ZBTB20: variants seen among roughly 807,000 people sequenced by gnomAD.
The protein encoded by ZBTB20 is zinc finger and BTB domain containing 20.
In ZBTB20, 9 loss-of-function variants were observed where a neutral mutation model predicts 56.9. That is an observed-to-expected ratio of 0.16 (90% CI 0.10 to 0.28). The LOEUF is 0.28. ZBTB20 is among the 10% of genes least tolerant of loss of function. ZBTB20 has a pLI of 1.00. For missense variants in ZBTB20, 655 were observed against 1,003.0 expected (o/e 0.65, Z 4.69); for synonymous variants, 417 against 420.7 (o/e 0.99, Z 0.11).
Position 114,513,944 on chromosome 3 carries a change from G to C in ZBTB20, c.-294-13553C>G, listed in dbSNP as rs1445849273. On this transcript the variant is annotated intron_variant, in intron 6 of 11. Coordinates refer to ENST00000675478, the MANE Select transcript of ZBTB20 (RefSeq NM_001348800.3). Reference sequence around the variant, plus strand: ...CAAAAAAAAAAAAGAATTTAGAGAAGACATAATAACATACTGCATAAATAT... The same window carrying C: ...CAAAAAAAAAAAAGAATTTAGAGAACACATAATAACATACTGCATAAATAT... Among the ~76,000 whole-genome samples, 3 of 151,508 alleles carry C rather than the reference G, an allele frequency of 2.0e-5. No homozygotes were observed. In the East Asian group the frequency reaches 5.8e-4, roughly 29 times the overall value.
chr3:115,003,662 T>C lies in ZBTB20; in HGVS notation c.-506-29246A>G, dbSNP rs182871422. On this transcript the variant is annotated intron_variant, in intron 2 of 11. Transcript: ENST00000675478. The stretch of plus-strand genomic sequence containing the variant: ...CTGGGAAACATAGTGAGCACGCCCC[T>C]ACTAAAAAACAAAACAAAACAAAAC... Among the ~76,000 whole-genome samples, 21 of 151,620 alleles carry C rather than the reference T, an allele frequency of 1.4e-4. No individual in the cohort carries two copies. In the Admixed American group the frequency reaches 1.4e-3, roughly 10 times the overall value.
intron 6 of ZBTB20, among the ~76,000 whole-genome samples, chr3:114,649,428 A>G (rs926402546): frequency 3.9e-5 from 6 of 152,034 alleles, no homozygotes; most frequent in Non-Finnish European, 7.4e-5. Context: ...GTAGAGTTCC[A>G]TGGGATTCTT....
chr3:114,641,507 T>C (rs1199860402), intron 6 of ZBTB20, among the ~76,000 whole-genome samples: 1 of 151,706 alleles, frequency 6.6e-6, no homozygotes, highest in Non-Finnish European at 1.5e-5. Flanking sequence ...GGGTTTCTTA[T>C]ATAGATAATT....
intron 5 of ZBTB20, among the ~76,000 whole-genome samples, chr3:114,741,160 T>C (rs1020779005): frequency 1.3e-5 from 2 of 152,176 alleles, no homozygotes; most frequent in Non-Finnish European, 2.9e-5. Context: ...AAAAGCTTAA[T>C]GGAAAAAAAT....
At chr3:114,604,936 A>G (rs2057030304) in intron 6 of ZBTB20, among the ~76,000 whole-genome samples, 1 of 152,156 alleles carries the variant, frequency 6.6e-6, no homozygotes, top group Non-Finnish European at 1.5e-5. Flanking sequence ...CTACGTAATA[A>G]GAACAAAACA....
chr3:115,024,314 G>A (rs779439631), intron 2 of ZBTB20, among the ~76,000 whole-genome samples: 9 of 150,850 alleles, frequency 6.0e-5, no homozygotes, highest in Non-Finnish European at 7.4e-5. Context: ...TCTTTGACAC[G>A]GAAGAGCTTA....
At chr3:114,712,578 G>A (rs541866279) in intron 5 of ZBTB20, among the ~76,000 whole-genome samples, 10 of 151,678 alleles carry the variant, frequency 6.6e-5, no homozygotes, top group East Asian at 5.8e-4. Flanking sequence ...CCTTGAACCC[G>A]GGAGGCGGAG....
At chr3:114,674,692 TA>T (rs1470050942) in intron 6 of ZBTB20, among the ~76,000 whole-genome samples, 3 of 152,130 alleles carry the variant, frequency 2.0e-5, no homozygotes, top group East Asian at 3.8e-4. Flanking sequence ...ATGAATGAAG[TA>T]AAAAATCAAA....
intron 2 of ZBTB20, among the ~76,000 whole-genome samples, chr3:114,980,492 T>TA (rs1477876577): frequency 2.0e-5 from 3 of 151,938 alleles, no homozygotes; most frequent in Non-Finnish European, 4.4e-5. Flanking sequence ...CATAAGTTCA[T>TA]AAAAAATAGA....
intron 6 of ZBTB20, among the ~76,000 whole-genome samples, chr3:114,589,377 A>G (rs1273657290): frequency 1.3e-5 from 2 of 152,098 alleles, no homozygotes; most frequent in African/African-American, 4.8e-5. Context: ...CCCTCTGACA[A>G]GCCGGGGAGA....
chr3:114,530,770 G>A (rs1298395550), intron 6 of ZBTB20, among the ~76,000 whole-genome samples: 1 of 152,116 alleles, frequency 6.6e-6, no homozygotes, highest in African/African-American at 2.4e-5. Flanking sequence ...TTTGAGTCAA[G>A]TTTATTGGAC....
At chr3:114,356,501 G>T (rs1244907485) in intron 10 of ZBTB20, among the ~76,000 whole-genome samples, 1 of 152,152 alleles carries the variant, frequency 6.6e-6, no homozygotes, top group Non-Finnish European at 1.5e-5. Context: ...GACTTGGAAG[G>T]AAACATCAGC....
At chr3:114,925,998 G>T (rs1175361005) in intron 3 of ZBTB20, among the ~76,000 whole-genome samples, 1 of 152,190 alleles carries the variant, frequency 6.6e-6, no homozygotes, top group Non-Finnish European at 1.5e-5. Context: ...TTGGATCTCA[G>T]TGTGGACTGA....
intron 1 of ZBTB20, among the ~76,000 whole-genome samples, chr3:115,093,427 A>T (rs1576761430): frequency 6.6e-6 from 1 of 152,202 alleles, no homozygotes; most frequent in South Asian, 2.1e-4. Context: ...CAAGTGGGGT[A>T]GGGAATAGGT....
At chr3:115,077,152 C>T (rs1439524806) in intron 1 of ZBTB20, among the ~76,000 whole-genome samples, 1 of 151,820 alleles carries the variant, frequency 6.6e-6, no homozygotes, top group Non-Finnish European at 1.5e-5. Flanking sequence ...GGGTTAATAT[C>T]CAAAATACAT....
chr3:114,739,024 C>A (rs557506344), intron 5 of ZBTB20, among the ~76,000 whole-genome samples: 1 of 152,294 alleles, frequency 6.6e-6, no homozygotes, highest in East Asian at 1.9e-4. Context: ...CCCGCCTTGG[C>A]CTCCCAAAGT....
intron 4 of ZBTB20, among the ~76,000 whole-genome samples, chr3:114,807,837 A>G (rs2072230882): frequency 6.6e-6 from 1 of 152,122 alleles, no homozygotes; most frequent in Admixed American, 6.6e-5. Context: ...TTCCTGGGAT[A>G]AATCCTCTGT....
At position 114,343,491 on chromosome 3, in the gene ZBTB20, A is replaced by G. The variant is rs892722364; in HGVS notation, c.1805-4065T>C. ...TTTCGTGAGTACAGTGATGGGTCAAAAAACCAAGACAGGGTGCTTGATGAG... is the reference window on the plus strand; with the variant it reads ...TTTCGTGAGTACAGTGATGGGTCAAGAAACCAAGACAGGGTGCTTGATGAG... On this transcript the variant is annotated intron_variant, in intron 11 of 11. Coordinates refer to ENST00000675478, the MANE Select transcript of ZBTB20 (RefSeq NM_001348800.3). 9.2e-5 allele frequency among the ~76,000 whole-genome samples: 14 copies of G among 152,274 alleles called. No individual in the cohort carries two copies. In the South Asian group the frequency reaches 2.3e-3, roughly 25 times the overall value.
At chr3:114,506,050 C>T (rs945002232) in intron 6 of ZBTB20, among the ~76,000 whole-genome samples, 1 of 152,078 alleles carries the variant, frequency 6.6e-6, no homozygotes, top group African/African-American at 2.4e-5. Context: ...TTTGGGGTTT[C>T]CTGCAGGACA....
Sources: gnomAD v4.1 joint callset for allele counts (sites outside exome capture counted in the v4.1 genomes callset) on GRCh38, gnomAD v4.1.1 for gene constraint, MANE v1.5 for transcripts, NCBI Gene and HGNC (gene_info 2026-07-23, HGNC 2026-07-21) for gene names.